TAOK1: variants seen among roughly 807,000 people sequenced by gnomAD.
The protein encoded by TAOK1 is TAO kinase 1.
TAOK1 carries 21 observed loss-of-function variants against 138.3 expected under a neutral mutation model. The observed-to-expected ratio is 0.15, with a 90% CI of 0.11 to 0.22. The LOEUF is 0.22. Among genes scored for constraint, TAOK1 ranks in the 10% least tolerant of loss-of-function variants. The pLI is 1.00. For missense variants in TAOK1, 651 were observed against 1,227.7 expected (o/e 0.53, Z 7.02); for synonymous variants, 361 against 398.4 (o/e 0.91, Z 1.12).
At chr17:29,418,654 T>A (rs1458171357) in intron 1 of TAOK1, among the ~76,000 whole-genome samples, 1 of 152,160 alleles carries the variant, frequency 6.6e-6, no homozygotes, top group Non-Finnish European at 1.5e-5. Context: ...ATACTTTAAA[T>A]CTTCTGTAGA....
chr17:29,536,213 C>T (rs2032218453), intron 19 of TAOK1, among the ~76,000 whole-genome samples: 1 of 152,052 alleles, frequency 6.6e-6, no homozygotes, highest in Admixed American at 6.6e-5. Context: ...GCAGGAGAAT[C>T]CCTTGAATCT....
At chr17:29,412,318 C>T (rs144705221) in intron 1 of TAOK1, among the ~76,000 whole-genome samples, 4,950 of 152,284 alleles carry the variant, frequency 0.033, 275 homozygotes, top group African/African-American at 0.11. Flanking sequence ...GGTGGGATTA[C>T]AGGTGTGAGC....
intron 3 of TAOK1, among the ~76,000 whole-genome samples, chr17:29,468,228 C>T (rs113144553): frequency 0.16 from 23,119 of 146,144 alleles, 1,975 homozygotes; most frequent in Admixed American, 0.21. Context: ...CCTCTGCCTC[C>T]TGGGTTTTAG....
intron 12 of TAOK1, among the ~76,000 whole-genome samples, 166 bp downstream of exon 12, chr17:29,498,687 G>A (rs1348192632): frequency 1.3e-5 from 2 of 152,198 alleles, no homozygotes; most frequent in Non-Finnish European, 2.9e-5. Flanking sequence ...GGAGGCCGAG[G>A]CGGGTGGATC....
intron 1 of TAOK1, among the ~76,000 whole-genome samples, chr17:29,426,037 C>A (rs992769832): frequency 2.0e-5 from 3 of 152,114 alleles, no homozygotes; most frequent in South Asian, 2.1e-4. Context: ...CCCACCACCA[C>A]GCCCAGCTAA....
intron 1 of TAOK1, among the ~76,000 whole-genome samples, chr17:29,400,914 T>C (rs1904820498): frequency 6.8e-6 from 1 of 148,134 alleles, no homozygotes; most frequent in Non-Finnish European, 1.5e-5. Flanking sequence ...CTTTTTTTTT[T>C]TTTTTTTTTT....
intron 4 of TAOK1, 21 bp downstream of exon 4, chr17:29,475,792 T>C (rs760799793): frequency 2.1e-5 from 33 of 1,577,728 alleles, no homozygotes; most frequent in Non-Finnish European, 2.8e-5. Context: ...GTTCTCCCCT[T>C]GTTGCAGTTT....
chr17:29,427,733 C>A (rs1218044725), intron 1 of TAOK1, among the ~76,000 whole-genome samples: 1 of 150,870 alleles, frequency 6.6e-6, no homozygotes, highest in African/African-American at 2.4e-5. Context: ...TCCATACCAG[C>A]CTGGCCAACA....
In TAOK1 at chr17:29,534,391, A is replaced by G. The variant is rs964774805; in HGVS notation, c.2544+91A>G. 4.5e-5 allele frequency: 54 copies of G among 1,209,280 alleles called. No homozygotes were observed. The East Asian group carries it at 1.4e-3, about 31-fold the overall frequency. 74.9% of individuals were successfully genotyped at this position (1,209,280 alleles called of 1,614,324 possible). A position where few individuals can be genotyped will look rare whatever the true frequency, so the allele number is the denominator to read the frequency against. ...ATATTTTCATGTTGGCAGAGGTCAC[A>G]TTAGATTTCTTTCACAATACCACAT... On this transcript the variant is annotated intron_variant, in intron 19 of 19. Transcript: ENST00000261716.
intron 19 of TAOK1, among the ~76,000 whole-genome samples, chr17:29,539,477 C>A (rs368496131): frequency 5.3e-4 from 81 of 152,180 alleles, no homozygotes; most frequent in African/African-American, 1.9e-3. Flanking sequence ...ACTCTTGTTG[C>A]CCACGCTGGA....
intron 15 of TAOK1, chr17:29,514,003 C>G (rs1173018705): frequency 6.6e-6 from 1 of 151,946 alleles, no homozygotes. Flanking sequence ...TGGCACACAA[C>G]TGTCATCCCA....
chr17:29,438,090 C>T (rs1317449523), intron 1 of TAOK1, among the ~76,000 whole-genome samples: 1 of 152,052 alleles, frequency 6.6e-6, no homozygotes, highest in Non-Finnish European at 1.5e-5. Flanking sequence ...TGTCTTTCTT[C>T]CATAGGTATA....
intron 1 of TAOK1, among the ~76,000 whole-genome samples, chr17:29,424,597 C>A (rs549117838): frequency 9.7e-4 from 148 of 152,150 alleles, no homozygotes; most frequent in African/African-American, 3.4e-3. Context: ...GGAAGTTGTG[C>A]TTATCAGAAA....
intron 15 of TAOK1, among the ~76,000 whole-genome samples, chr17:29,515,412 C>G (rs941570966): frequency 3.9e-5 from 6 of 152,158 alleles, no homozygotes; most frequent in Non-Finnish European, 8.8e-5. Context: ...ATGTGTTTTA[C>G]TTTATTAACC....
chr17:29,438,573 T>G (rs551516635), intron 1 of TAOK1, among the ~76,000 whole-genome samples: 5 of 152,236 alleles, frequency 3.3e-5, no homozygotes, highest in African/African-American at 1.2e-4. Flanking sequence ...TCCCAGCTAC[T>G]TGGGAGGGTG....
rs1254548062 is a variant in TAOK1 at position 29,510,769 on chromosome 17, G to T, written c.1576-95G>T. On this transcript the variant is annotated intron_variant, in intron 14 of 19. Coordinates refer to ENST00000261716, the MANE Select transcript of TAOK1 (RefSeq NM_020791.4). ...TTGGTAATGTTTCTAATGATTTCTT[G>T]TTCTTAGAAAATAAAAGGTATTCTT... 1 of 911,950 alleles carries T rather than the reference G, an allele frequency of 1.1e-6. No homozygotes were observed. The highest frequency in any genetic ancestry group is 3.2e-5 in the South Asian group (1 of 31,436). 56.5% of individuals were successfully genotyped at this position (911,950 alleles called of 1,614,324 possible). A position where few individuals can be genotyped will look rare whatever the true frequency, so the allele number is the denominator to read the frequency against.
At chr17:29,471,090 G>T (rs1387691396) in intron 3 of TAOK1, among the ~76,000 whole-genome samples, 1 of 151,464 alleles carries the variant, frequency 6.6e-6, no homozygotes, top group South Asian at 2.1e-4. Context: ...CCCAGGAGGC[G>T]AAGGCTGCAG....
chr17:29,448,148 A>G (rs2030143505), intron 1 of TAOK1, among the ~76,000 whole-genome samples: 1 of 151,518 alleles, frequency 6.6e-6, no homozygotes, highest in South Asian at 2.1e-4. Flanking sequence ...CACTGGTTAC[A>G]AAGAAATTTA....
intron 1 of TAOK1, among the ~76,000 whole-genome samples, chr17:29,444,293 A>G (rs922184342): frequency 7.9e-5 from 12 of 152,202 alleles, no homozygotes; most frequent in African/African-American, 2.9e-4. Context: ...AAAAATGAAC[A>G]AGACCTTTCT....
Sources: allele counts gnomAD v4.1 joint callset (sites outside exome capture counted in the v4.1 genomes callset), GRCh38; gene constraint gnomAD v4.1.1; transcripts MANE v1.5; gene names NCBI Gene and HGNC (gene_info 2026-07-23, HGNC 2026-07-21).